The following PRMT2 variants were observed in gnomAD, a reference collection of about 807,000 sequenced individuals.
PRMT2 encodes the protein protein arginine N-methyltransferase 2.
A neutral mutation model predicts 57.6 loss-of-function variants in PRMT2; 26 were observed. The ratio of observed to expected loss-of-function variants is 0.45; its 90% confidence interval spans 0.33 to 0.63. The LOEUF (loss-of-function observed/expected upper bound fraction) is 0.63. Ranked by LOEUF, PRMT2 falls within the 20% of genes least tolerant of loss-of-function variation. PRMT2 has a pLI of 0.02. For missense variants in PRMT2, 472 were observed against 564.4 expected, an observed-to-expected ratio of 0.84 and a Z score of 1.66; for synonymous variants, 219 against 220.0, an observed-to-expected ratio of 1.00 and a Z score of 0.04.
At chr21:46,652,884 C>T (rs1007470377) in intron 7 of PRMT2, 17 of 1,302,744 alleles carry the variant, frequency 1.3e-5, no homozygotes, top group African/African-American at 6.1e-5. Flanking sequence ...GGCCACGCCA[C>T]GATTTCCGAG....
In PRMT2 at chr21:46,648,358, G is replaced by C; in HGVS notation, c.328-100G>C. On this transcript the variant is annotated intron_variant, in intron 5 of 11. Transcript: ENST00000355680. The surrounding 1 kb of genome is among the most constrained non-coding windows in gnomAD (Gnocchi z 4.8). Reference sequence around the variant, plus strand: ...CATAGTCTTCCATAGGGGTGTTGGGGTCAGGGGTCATCAGCTGTGGCTCTG... The same window carrying C: ...CATAGTCTTCCATAGGGGTGTTGGGCTCAGGGGTCATCAGCTGTGGCTCTG... 1 of 1,323,004 alleles carries C rather than the reference G, an allele frequency of 7.6e-7. No homozygotes were observed. The highest frequency in any genetic ancestry group is 1.1e-6 in the Non-Finnish European group (1 of 946,756). 82.0% of individuals were successfully genotyped at this position (1,323,004 alleles called of 1,614,324 possible).
chr21:46,643,647 C>G lies in PRMT2; in HGVS notation c.144+8C>G, dbSNP rs553804684. On this transcript the variant is annotated splice_region_variant and intron_variant, in intron 4 of 11. Coordinates refer to ENST00000355680, the MANE Select transcript of PRMT2 (RefSeq NM_206962.4). ...GCCACCGATGAGACCCAGGTAGCCA[C>G]ACGTGGTGGTTAATGCTTTATGGCT... 14 of 1,595,664 alleles carry G rather than the reference C, an allele frequency of 8.8e-6. No homozygotes were observed. Among genetic ancestry groups the G allele is most frequent in the African/African-American group, 1.4e-5 (1 of 73,846 alleles).
At chr21:46,659,127 G>A in intron 8 of PRMT2, 1 of 1,290,244 alleles carries the variant, frequency 7.8e-7, no homozygotes, top group Non-Finnish European at 9.8e-7. Flanking sequence ...AGGGTAGAAT[G>A]CAAGGAACAA....
At position 46,660,912 on chromosome 21, in the gene PRMT2, T is replaced by C. The variant is rs779547890; in HGVS notation, c.910T>C (p.Cys304Arg). Residue 304 changes from cysteine to arginine, a missense_variant, in exon 9 of 12, where the codon TGC becomes CGC. By Grantham distance (180) the Cys-to-Arg change is radical. This residue lies in a region of PRMT2 where 229 missense variants were observed against 217.2 expected (regional missense o/e 1.05). Transcript: ENST00000355680. The part of the protein sequence containing the change: ...LKPEDCLSEP[C>R]TILQLDMRTV... ...ACCAGAAGACTGTCTCTCTGAACCG[T>C]GCACTATATTGCAGTTGGACATGAG... 6.2e-7 allele frequency: 1 copy of C among 1,613,566 alleles called. No individual in the cohort carries two copies. The highest frequency in any genetic ancestry group is 8.5e-7 in the Non-Finnish European group (1 of 1,179,488).
At chr21:46,637,424 C>T (rs796785822) in intron 3 of PRMT2, among the ~76,000 whole-genome samples, 9 of 152,252 alleles carry the variant, frequency 5.9e-5, no homozygotes, top group South Asian at 2.1e-4. Flanking sequence ...AAAAATACCC[C>T]TCAAATTGTA....
At chr21:46,639,876 A>G (rs554392662) in intron 3 of PRMT2, among the ~76,000 whole-genome samples, 28 of 152,210 alleles carry the variant, frequency 1.8e-4, no homozygotes, top group Non-Finnish European at 4.0e-4. Context: ...TTAACACTTC[A>G]TGTTATGACG....
chr21:46,637,140 G>A, intron 3 of PRMT2, 150 bp downstream of exon 3: 4 of 718,586 alleles, frequency 5.6e-6, no homozygotes, highest in Non-Finnish European at 9.1e-6. Context: ...AAGATTGTGA[G>A]GCAGAGGAAA....
chr21:46,649,782 GC>G lies in PRMT2; in HGVS notation c.654+44del, dbSNP rs1465682260. On this transcript the variant is annotated intron_variant, in intron 7 of 11. Transcript: ENST00000355680. This position sits in a 1 kb window ranked among gnomAD's most constrained non-coding sequence, Gnocchi z 4.8. Reference sequence around the variant, plus strand: ...GGCAGCTGGGGGCCGGAGCTGGGGGGCTTCTGAGCACGGGCTCGGCTGGGCC... The same window carrying G: ...GGCAGCTGGGGGCCGGAGCTGGGGGGTTCTGAGCACGGGCTCGGCTGGGCC... The G allele has an allele frequency of 3.8e-6, 6 of 1,593,364 alleles. No homozygotes were observed. Among genetic ancestry groups the G allele is most frequent in the Non-Finnish European group, 5.1e-6 (6 of 1,169,668 alleles).
At chr21:46,645,103 T>TA (rs71187322) in intron 5 of PRMT2, among the ~76,000 whole-genome samples, 152 of 147,896 alleles carry the variant, frequency 1.0e-3, no homozygotes, top group African/African-American at 3.7e-3. Context: ...AAAAAAAAAT[T>TA]AAAAAAAAAT....
At chr21:46,656,212 C>T (rs866659171) in intron 7 of PRMT2, among the ~76,000 whole-genome samples, 1 of 152,190 alleles carries the variant, frequency 6.6e-6, no homozygotes, top group Admixed American at 6.5e-5. Flanking sequence ...GGTCTCTGCA[C>T]GTGCCAGCTC....
chr21:46,661,967 G>GAGGT, intron 10 of PRMT2, 31 bp downstream of exon 10: 1 of 1,121,254 alleles, frequency 8.9e-7, no homozygotes, highest in Non-Finnish European at 1.1e-6. Flanking sequence ...CACGGGGTGC[G>GAGGT]GGGTGGGGGG....
In PRMT2 at chr21:46,648,669, C is replaced by T. The variant is rs140903184; in HGVS notation, c.489+50C>T. 2.6e-5 allele frequency: 41 copies of T among 1,594,576 alleles called. No individual in the cohort carries two copies. The African/African-American group carries it at 2.7e-4, about 10-fold the overall frequency. ...CGGGTGTTTGTGCCGAGGCTGGTGA[C>T]GTCCGAGGTGGCCTCTGAGTGTGCT... On this transcript the variant is annotated intron_variant, in intron 6 of 11. Transcript: ENST00000355680. The surrounding 1 kb of genome is among the most constrained non-coding windows in gnomAD (Gnocchi z 4.8).
In PRMT2 at chr21:46,648,160, C is replaced by G. The variant is rs969660160; in HGVS notation, c.328-298C>G. 6.6e-6 allele frequency among the ~76,000 whole-genome samples: 1 copy of G among 152,148 alleles called. No individual in the cohort carries two copies. Among genetic ancestry groups the G allele is most frequent in the Non-Finnish European group, 1.5e-5 (1 of 68,044 alleles). Reference sequence around the variant, plus strand: ...ATTACTTAAGCTTTGTTTAATATCTCTTAGTATTTTAAGATAAGGACAATA... The same window carrying G: ...ATTACTTAAGCTTTGTTTAATATCTGTTAGTATTTTAAGATAAGGACAATA... On this transcript the variant is annotated intron_variant, in intron 5 of 11. Coordinates refer to ENST00000355680, the MANE Select transcript of PRMT2 (RefSeq NM_206962.4). This position sits in a 1 kb window ranked among gnomAD's most constrained non-coding sequence, Gnocchi z 4.8.
At chr21:46,639,115 A>C (rs1236101431) in intron 3 of PRMT2, among the ~76,000 whole-genome samples, 1 of 152,208 alleles carries the variant, frequency 6.6e-6, no homozygotes, top group Non-Finnish European at 1.5e-5. Flanking sequence ...TTTCTGGGCT[A>C]TTTGAAAGTA....
In PRMT2 at chr21:46,649,931, C is replaced by G; in HGVS notation, c.654+192C>G. ...GAATTTTCACCTGATTTAAAAAATGCCTTTATGAGAAATTTAAGTCAAAGT... is the reference window on the plus strand; with the variant it reads ...GAATTTTCACCTGATTTAAAAAATGGCTTTATGAGAAATTTAAGTCAAAGT... On this transcript the variant is annotated intron_variant, in intron 7 of 11. Coordinates refer to ENST00000355680, the MANE Select transcript of PRMT2 (RefSeq NM_206962.4). This position sits in a 1 kb window ranked among gnomAD's most constrained non-coding sequence, Gnocchi z 4.8. 6.9e-7 allele frequency: 1 copy of G among 1,448,890 alleles called. No homozygotes were observed. The allele number at this position is 1,448,890 out of a possible 1,614,324, so 89.8% of individuals were successfully genotyped here.
Position 46,644,291 on chromosome 21 carries a change from C to A in PRMT2, c.145-15C>A. The A allele has an allele frequency of 6.8e-7, 1 of 1,481,204 alleles. No homozygotes were observed. The highest frequency in any genetic ancestry group is 9.2e-7 in the Non-Finnish European group (1 of 1,086,528). 91.8% of individuals were successfully genotyped at this position (1,481,204 alleles called of 1,614,324 possible). A position where few individuals can be genotyped will look rare whatever the true frequency, so the allele number is the denominator to read the frequency against. ...GACTGGTTTTCTTATTGAATTTTAA[C>A]TTTTTTTTTTCCAGCTCAGTTTTTT... On this transcript the variant is annotated splice_polypyrimidine_tract_variant and intron_variant, in intron 4 of 11. Transcript: ENST00000355680.
intron 7 of PRMT2, chr21:46,652,731 C>A: frequency 1.8e-6 from 2 of 1,128,654 alleles, no homozygotes; most frequent in Non-Finnish European, 2.2e-6. Flanking sequence ...CAGCAAAGTT[C>A]TGAAGGAGAC....
At chr21:46,640,510 C>T (rs1004636625) in intron 3 of PRMT2, among the ~76,000 whole-genome samples, 5 of 147,046 alleles carry the variant, frequency 3.4e-5, no homozygotes, top group African/African-American at 1.3e-4. Context: ...GATGCGATCT[C>T]GGCTCACTGC....
At chr21:46,663,672 G>A in intron 11 of PRMT2, 118 bp downstream of exon 11, 1 of 1,040,470 alleles carries the variant, frequency 9.6e-7, no homozygotes, top group South Asian at 1.6e-5. Flanking sequence ...CTTTTGTGCA[G>A]GAGTGATTTA....
Sources: gnomAD v4.1 joint callset for allele counts (sites outside exome capture counted in the v4.1 genomes callset) on GRCh38, gnomAD v4.1.1 for gene constraint, gnomAD v4.1.1 regional missense constraint, Gnocchi (gnomAD v3.1) non-coding constraint, MANE v1.5 for transcripts, NCBI Gene and HGNC (gene_info 2026-07-23, HGNC 2026-07-21) for gene names.